PTPN11: variants seen among roughly 807,000 people sequenced by gnomAD.
PTPN11 encodes protein tyrosine phosphatase non-receptor type 11.
A neutral mutation model predicts 78.8 loss-of-function variants in PTPN11; 6 were observed. The observed-to-expected ratio is 0.08, with a 90% confidence interval of 0.04 to 0.15. The LOEUF (loss-of-function observed/expected upper bound fraction) is 0.15, where lower values mean the gene tolerates loss of function less well. Ranked by LOEUF, PTPN11 falls within the 10% of genes least tolerant of loss-of-function variation. PTPN11 has a pLI of 1.00. For synonymous variants in PTPN11, 221 were observed against 263.5 expected (o/e 0.84, Z 1.56); for missense variants, 386 against 744.8 (o/e 0.52, Z 5.61).
At chr12:112,478,225 A>G (rs1371515565) in intron 9 of PTPN11, among the ~76,000 whole-genome samples, 2 of 151,908 alleles carry the variant, frequency 1.3e-5, no homozygotes, top group Admixed American at 1.3e-4. Context: ...TCTTGGCTCC[A>G]TGGATTTGTA....
At chr12:112,503,814 C>G (rs1229361054) in intron 14 of PTPN11, among the ~76,000 whole-genome samples, 2 of 152,148 alleles carry the variant, frequency 1.3e-5, no homozygotes, top group Non-Finnish European at 2.9e-5. Flanking sequence ...CCTGGAGCCC[C>G]TCTCAGCCTG....
rs1276824666 is a variant in PTPN11, at chr12:112,446,211, T to C, written c.15-65T>C. On this transcript the variant is annotated intron_variant, in intron 1 of 15. Transcript: ENST00000351677. ...TGCTCATAATGCGTCTTAGCTGTGT[T>C]GTTGTGGAAAGTAGTGCTGACAGTG... 6.3e-6 allele frequency: 10 copies of C among 1,595,334 alleles called. No homozygotes were observed. In the Admixed American group the frequency reaches 8.3e-5, roughly 13 times the overall value.
chr12:112,468,418 G>A lies in PTPN11; in HGVS notation c.757-4526G>A, dbSNP rs555686447. ...TAGCATTTGGTAGCCTCTGTGGGCAGAGCATGGAAAGTCACAACTTCTGAA... is the reference window on the plus strand; with the variant it reads ...TAGCATTTGGTAGCCTCTGTGGGCAAAGCATGGAAAGTCACAACTTCTGAA... On this transcript the variant is annotated intron_variant, in intron 6 of 15. Transcript: ENST00000351677. Among the ~76,000 whole-genome samples, 10 of 152,318 alleles carry A rather than the reference G, an allele frequency of 6.6e-5. No individual in the cohort carries two copies. In the South Asian group the frequency reaches 2.1e-3, roughly 32 times the overall value.
chr12:112,422,326 G>A (rs576723455), intron 1 of PTPN11, among the ~76,000 whole-genome samples: 23 of 152,238 alleles, frequency 1.5e-4, no homozygotes, highest in Non-Finnish European at 2.4e-4. Context: ...GAAAACTAAG[G>A]CATTCAGCAA....
chr12:112,450,949 A>C (rs1282040933), intron 3 of PTPN11, among the ~76,000 whole-genome samples: 1 of 152,220 alleles, frequency 6.6e-6, no homozygotes, highest in African/African-American at 2.4e-5. Context: ...AAAAGCAGAG[A>C]GCTCAGAGGG....
At position 112,505,927 on chromosome 12, in the gene PTPN11, C is replaced by A; in HGVS notation, c.*135C>A. On this transcript the variant is annotated 3_prime_UTR_variant, in exon 16 of 16. Transcript: ENST00000351677. ...GGAAGGCTTGCAATGTGGTTGACTA[C>A]CTTTTGATAAGCAAAATTTGAAACC... 1 of 153,918 alleles carries A rather than the reference C, an allele frequency of 6.5e-6. No individual in the cohort carries two copies. 9.5% of individuals were successfully genotyped at this position (153,918 alleles called of 1,614,324 possible). A position where few individuals can be genotyped will look rare whatever the true frequency, so the allele number is the denominator to read the frequency against.
rs1566181003 is a variant in PTPN11, at chr12:112,477,664, G to T, written c.867G>T (p.Arg289Ser). 6.2e-7 allele frequency: 1 copy of T among 1,611,390 alleles called. No individual in the cohort carries two copies. Among genetic ancestry groups the T allele is most frequent in the Non-Finnish European group, 8.5e-7 (1 of 1,178,526 alleles). The stretch of plus-strand genomic sequence containing the variant: ...TTTTTCTTCTAGTTGATCATACCAG[G>T]GTTGTCCTACACGATGGTGATCCCA... Reference protein sequence around the residue: ...YKNILPFDHTRVVLHDGDPNE... With the variant: ...YKNILPFDHTSVVLHDGDPNE... Residue 289 changes from arginine (R) to serine (S), a missense_variant, in exon 8 of 16, where the codon AGG (arginine) becomes AGT (serine). Physicochemically the swap from Arg to Ser is moderately radical, Grantham distance 110 (BLOSUM62 -1). Coordinates refer to ENST00000351677, the MANE Select transcript of PTPN11 (RefSeq NM_002834.5).
chr12:112,433,210 T>G (rs1171635364), intron 1 of PTPN11, among the ~76,000 whole-genome samples: 1 of 152,184 alleles, frequency 6.6e-6, no homozygotes, highest in Non-Finnish European at 1.5e-5. Context: ...CTGTACCTTT[T>G]CTATGTATGG....
intron 6 of PTPN11, among the ~76,000 whole-genome samples, chr12:112,468,388 G>A (rs2038362821): frequency 6.6e-6 from 1 of 152,132 alleles, no homozygotes; most frequent in African/African-American, 2.4e-5. Context: ...GGGAGGAAGC[G>A]CCCTTAGCAT....
rs972937096 is a variant in PTPN11, at chr12:112,509,004, A to G, written c.*3212A>G. On this transcript the variant is annotated 3_prime_UTR_variant, in exon 16 of 16. Coordinates refer to ENST00000351677, the MANE Select transcript of PTPN11 (RefSeq NM_002834.5). ...TCAGGGGGATGTGGAAAGGTTTGCAATTGTCAAGTGTTTTGTTGTAGCTTA... is the reference window on the plus strand; with the variant it reads ...TCAGGGGGATGTGGAAAGGTTTGCAGTTGTCAAGTGTTTTGTTGTAGCTTA... 1.3e-5 allele frequency: 2 copies of G among 152,186 alleles called. No homozygotes were observed. The highest frequency in any genetic ancestry group is 1.9e-4 in the East Asian group (1 of 5,196). The allele number at this position is 152,186 out of a possible 1,614,324, so 9.4% of individuals were successfully genotyped here. A position where few individuals can be genotyped will look rare whatever the true frequency, so the allele number is the denominator to read the frequency against.
chr12:112,423,740 C>CTTTTT (rs1238357055), intron 1 of PTPN11, among the ~76,000 whole-genome samples: 5 of 110,690 alleles, frequency 4.5e-5, no homozygotes, highest in East Asian at 2.5e-4. Flanking sequence ...CATACAATGT[C>CTTTTT]TTTTTTTTTT....
chr12:112,480,383 T>TA (rs1177294523), intron 9 of PTPN11, among the ~76,000 whole-genome samples: 7 of 151,600 alleles, frequency 4.6e-5, no homozygotes, highest in African/African-American at 7.3e-5. Context: ...TTTTTTTTTT[T>TA]TGGGACTGTA....
intron 6 of PTPN11, among the ~76,000 whole-genome samples, chr12:112,468,318 C>T (rs1000109532): frequency 2.0e-5 from 3 of 152,080 alleles, no homozygotes; most frequent in African/African-American, 7.2e-5. Flanking sequence ...AATGTATTCT[C>T]CTCGAGGGCA....
intron 6 of PTPN11, among the ~76,000 whole-genome samples, chr12:112,460,037 T>C (rs933694731): frequency 2.6e-5 from 4 of 152,086 alleles, no homozygotes; most frequent in African/African-American, 9.7e-5. Context: ...AACCTCCACC[T>C]CCTGGGCTCA....
intron 9 of PTPN11, 65 bp downstream of exon 9, chr12:112,478,080 A>G (rs971637914): frequency 3.8e-6 from 6 of 1,561,424 alleles, no homozygotes; most frequent in Admixed American, 3.4e-5. Context: ...CAGATTGGCC[A>G]TGTTTAGGAA....
chr12:112,507,488 G>A lies in PTPN11; in HGVS notation c.*1696G>A, dbSNP rs1400476826. 2 of 152,840 alleles carry A rather than the reference G, an allele frequency of 1.3e-5. No homozygotes were observed. Among genetic ancestry groups the A allele is most frequent in the African/African-American group, 4.8e-5 (2 of 41,472 alleles). The allele number at this position is 152,840 out of a possible 1,614,324, so 9.5% of individuals were successfully genotyped here. On this transcript the variant is annotated 3_prime_UTR_variant, in exon 16 of 16. Transcript: ENST00000351677. ...GCCCTAACAGGCCTCCAGCCAGGTT[G>A]AATGAGCTCATTTTTGTTGTAGCCA...
intron 9 of PTPN11, among the ~76,000 whole-genome samples, chr12:112,481,501 CT>C (rs200793005): frequency 2.0e-5 from 3 of 146,638 alleles, no homozygotes; most frequent in Non-Finnish European, 4.5e-5. Flanking sequence ...TGAACTCTTC[CT>C]TTTTTTTTGA....
chr12:112,463,218 T>G (rs1264658954), intron 6 of PTPN11, among the ~76,000 whole-genome samples: 2 of 151,960 alleles, frequency 1.3e-5, no homozygotes, highest in Admixed American at 6.6e-5. Flanking sequence ...ATTTTAAAAT[T>G]ATTTAAAATA....
intron 7 of PTPN11, among the ~76,000 whole-genome samples, chr12:112,476,761 C>T (rs901756366): frequency 2.0e-5 from 3 of 151,962 alleles, no homozygotes; most frequent in Admixed American, 1.3e-4. Context: ...AGAGGAAAAC[C>T]CTGTCTCAAA....
Sources: gnomAD v4.1 joint callset for allele counts (sites outside exome capture counted in the v4.1 genomes callset) on GRCh38, gnomAD v4.1.1 for gene constraint, MANE v1.5 for transcripts, NCBI Gene and HGNC (gene_info 2026-07-23, HGNC 2026-07-21) for gene names.